PIEZO2: variants seen among roughly 807,000 people sequenced by gnomAD.
PIEZO2 encodes piezo type mechanosensitive ion channel component 2.
Under a neutral mutation model 337.3 loss-of-function variants are expected in PIEZO2, and 172 were observed. The observed-to-expected ratio is 0.51, with a 90% CI of 0.45 to 0.58. The LOEUF (loss-of-function observed/expected upper bound fraction) is 0.58, where lower values mean the gene tolerates loss of function less well. PIEZO2 is among the 20% of genes least tolerant of loss of function. The pLI, the probability that PIEZO2 is intolerant of heterozygous loss-of-function variation, is 0.00. For missense variants in PIEZO2, 3,028 were observed against 3,391.3 expected (o/e 0.89, Z 2.66); for synonymous variants, 1,251 against 1,228.5 (o/e 1.02, Z -0.38).
At chr18:10,836,293 G>C (rs1367578853) in intron 7 of PIEZO2, among the ~76,000 whole-genome samples, 2 of 152,028 alleles carry the variant, frequency 1.3e-5, no homozygotes, top group Non-Finnish European at 2.9e-5. Flanking sequence ...ATCCCATCCT[G>C]AGCTTATTGG....
Position 11,096,906 on chromosome 18 carries a change from T to C in PIEZO2, c.65-30684A>G, listed in dbSNP as rs1248561994. 1.3e-5 allele frequency among the ~76,000 whole-genome samples: 2 copies of C among 152,320 alleles called. No homozygotes were observed. ...ATCACCAAAGGTGGATGCTTTCATC[T>C]GCAGCCCTCCAATCCCTATCCTGGA... On this transcript the variant is annotated intron_variant, in intron 1 of 55. Coordinates refer to ENST00000674853, the MANE Select transcript of PIEZO2 (RefSeq NM_001378183.1). The surrounding 1 kb of genome is among the most constrained non-coding windows in gnomAD (Gnocchi z 4.6).
rs541964662 is a variant in PIEZO2 at position 10,895,887 on chromosome 18, T to C, written c.329+15299A>G. ...CAGCCTGGCCAACATGGTGAAACCC[T>C]GTCTTTACTAAAAATACAGAAAATT... is the stretch of plus-strand genomic sequence containing the variant. On this transcript the variant is annotated intron_variant, in intron 4 of 55. Coordinates refer to ENST00000674853, the MANE Select transcript of PIEZO2 (RefSeq NM_001378183.1). This position sits in a 1 kb window ranked among gnomAD's most constrained non-coding sequence, Gnocchi z 4.8. Among the ~76,000 whole-genome samples, 2 of 152,128 alleles carry C rather than the reference T, an allele frequency of 1.3e-5. No individual in the cohort carries two copies. Among genetic ancestry groups the C allele is most frequent in the Admixed American group, 1.3e-4 (2 of 15,278 alleles).
chr18:11,016,059 C>G lies in PIEZO2; in HGVS notation c.161-36399G>C, dbSNP rs1045873051. Among the ~76,000 whole-genome samples, 9 of 152,196 alleles carry G rather than the reference C, an allele frequency of 5.9e-5. No individual in the cohort carries two copies. The highest frequency in any genetic ancestry group is 2.9e-5 in the Non-Finnish European group (2 of 68,042). ...CCTTTTCACCCTGGCCTCCTTCAGC[C>G]TCATTCTTCCTCCTTCTCCATTGCT... is the stretch of plus-strand genomic sequence containing the variant. On this transcript the variant is annotated intron_variant, in intron 2 of 55. Coordinates refer to ENST00000674853, the MANE Select transcript of PIEZO2 (RefSeq NM_001378183.1). This position sits in a 1 kb window ranked among gnomAD's most constrained non-coding sequence, Gnocchi z 5.6.
intron 1 of PIEZO2, among the ~76,000 whole-genome samples, chr18:11,120,338 T>C (rs1197327757): frequency 6.6e-6 from 1 of 152,222 alleles, no homozygotes; most frequent in African/African-American, 2.4e-5. Flanking sequence ...CAAAAAGATA[T>C]GGTTTGTTGA....
intron 7 of PIEZO2, among the ~76,000 whole-genome samples, chr18:10,814,817 C>T (rs1598522591): frequency 1.3e-5 from 2 of 152,274 alleles, no homozygotes; most frequent in East Asian, 3.9e-4. Context: ...GCCAATGAGA[C>T]ACACTCATGG....
chr18:10,738,626 C>T (rs953426102), intron 33 of PIEZO2: 3 of 152,168 alleles, frequency 2.0e-5, no homozygotes, highest in African/African-American at 7.2e-5. Flanking sequence ...GCTCAGATGG[C>T]GAACCTGACT....
intron 4 of PIEZO2, among the ~76,000 whole-genome samples, chr18:10,886,300 G>A (rs1181726734): frequency 9.7e-6 from 1 of 103,492 alleles, no homozygotes; most frequent in African/African-American, 4.3e-5. Context: ...TGAAACTGCA[G>A]ATGGTACCAA....
rs1389067030 is a variant in PIEZO2, at chr18:10,929,497, T to G, written c.287-18269A>C. Among the ~76,000 whole-genome samples the G allele has an allele frequency of 6.6e-6, 1 of 152,132 alleles. No individual in the cohort carries two copies. ...GCCAGTTGCTTGCTGTAAACAAAAA[T>G]TTTGCATTTCAAAAGTTGCATGTTG... On this transcript the variant is annotated intron_variant, in intron 3 of 55. Coordinates refer to ENST00000674853, the MANE Select transcript of PIEZO2 (RefSeq NM_001378183.1). The surrounding 1 kb of genome is among the most constrained non-coding windows in gnomAD (Gnocchi z 5.6).
At chr18:10,763,160 G>T (rs1018198006) in intron 21 of PIEZO2, 62 bp from the exon 22 acceptor site, 1 of 1,467,952 alleles carries the variant, frequency 6.8e-7, no homozygotes, top group Non-Finnish European at 9.1e-7. Context: ...AAACAGGACA[G>T]CCACAAAACA....
chr18:10,879,122 C>G (rs1471689436), intron 4 of PIEZO2, among the ~76,000 whole-genome samples: 1 of 152,140 alleles, frequency 6.6e-6, no homozygotes, highest in African/African-American at 2.4e-5. Flanking sequence ...GGTTCTCTAA[C>G]CTAATCATAA....
At position 10,982,442 on chromosome 18, in the gene PIEZO2, C is replaced by G. The variant is rs1358926526; in HGVS notation, c.161-2782G>C. 6.6e-6 allele frequency among the ~76,000 whole-genome samples: 1 copy of G among 151,818 alleles called. No individual in the cohort carries two copies. Among genetic ancestry groups the G allele is most frequent in the Non-Finnish European group, 1.5e-5 (1 of 67,982 alleles). ...TCTGTTACATGCATGAATGAGGTGA[C>G]TCAATATGATAAAAATGTCAATTTC... On this transcript the variant is annotated intron_variant, in intron 2 of 55. Transcript: ENST00000674853. This position sits in a 1 kb window ranked among gnomAD's most constrained non-coding sequence, Gnocchi z 4.1.
intron 1 of PIEZO2, among the ~76,000 whole-genome samples, chr18:11,144,535 G>A (rs2040757712): frequency 6.6e-6 from 1 of 152,046 alleles, no homozygotes; most frequent in South Asian, 2.1e-4. Flanking sequence ...ATATTACACA[G>A]GAAAATACAT....
intron 1 of PIEZO2, among the ~76,000 whole-genome samples, chr18:11,100,369 T>C (rs1172198960): frequency 6.6e-6 from 1 of 152,208 alleles, no homozygotes; most frequent in African/African-American, 2.4e-5. Context: ...GAATTAATTA[T>C]CACAAAAATA....
Position 10,784,584 on chromosome 18 carries a change from A to AT in PIEZO2, c.2492+199dup, listed in dbSNP as rs1181258098. ...CAAGATCACTTTACATTAACCAGTC[A>AT]TAAGTCACTACCCATTGTTTCAGAA... On this transcript the variant is annotated intron_variant, in intron 17 of 55. Transcript: ENST00000674853. This position sits in a 1 kb window ranked among gnomAD's most constrained non-coding sequence, Gnocchi z 4.5. Among the ~76,000 whole-genome samples the AT allele has an allele frequency of 1.3e-5, 2 of 152,250 alleles. No individual in the cohort carries two copies. Among genetic ancestry groups the AT allele is most frequent in the Non-Finnish European group, 2.9e-5 (2 of 68,042 alleles).
Position 10,871,432 on chromosome 18 carries a change from AG to A in PIEZO2, c.330-18del. ...CCCTTTAAGCTATAAAGGAAAAACAAGGGGAGGGGAAAAAAATTTAGTTCTT... is the reference window on the plus strand; with the variant it reads ...CCCTTTAAGCTATAAAGGAAAAACAAGGGAGGGGAAAAAAATTTAGTTCTT... On this transcript the variant is annotated intron_variant, in intron 4 of 55. Transcript: ENST00000674853. 1 of 1,522,102 alleles carries A rather than the reference AG, an allele frequency of 6.6e-7. No homozygotes were observed. The highest frequency in any genetic ancestry group is 2.5e-5 in the East Asian group (1 of 40,664). The allele number at this position is 1,522,102 out of a possible 1,614,324, so 94.3% of individuals were successfully genotyped here.
At chr18:11,133,316 G>A (rs2040390369) in intron 1 of PIEZO2, among the ~76,000 whole-genome samples, 1 of 152,160 alleles carries the variant, frequency 6.6e-6, no homozygotes, top group South Asian at 2.1e-4. Flanking sequence ...GTTGTGTTAT[G>A]GTAGGCGTTA....
intron 29 of PIEZO2, among the ~76,000 whole-genome samples, chr18:10,749,081 T>C (rs1201096896): frequency 6.6e-6 from 1 of 152,148 alleles, no homozygotes; most frequent in African/African-American, 2.4e-5. Flanking sequence ...TAGTATGCCT[T>C]ATCTTAAGTG....
rs2034814612 is a variant in PIEZO2 at position 10,691,304 on chromosome 18, G to A, written c.7270C>T (p.Arg2424Cys). The change falls in exon 48 of 56, where the codon CGT becomes TGT. Residue 2424 changes from arginine (R) to cysteine (C), a missense_variant. Arg to Cys is a radical substitution (Grantham distance 180, BLOSUM62 -3). This residue lies in a region of PIEZO2 where 179 missense variants were observed against 281.8 expected (regional missense o/e 0.64). Coordinates refer to ENST00000674853, the MANE Select transcript of PIEZO2 (RefSeq NM_001378183.1). ...VYFGLSAYQIRCGYPTRVLGN... is the reference protein window; with the variant it reads ...VYFGLSAYQICCGYPTRVLGN... ...AGGACTCGCGTTGGGTAGCCACAAC[G>A]GATCTGGTAAGCAGACAACCCGAAG... 8 of 1,614,042 alleles carry A rather than the reference G, an allele frequency of 5.0e-6. No individual in the cohort carries two copies. Among genetic ancestry groups the A allele is most frequent in the South Asian group, 1.1e-5 (1 of 91,024 alleles).
intron 7 of PIEZO2, among the ~76,000 whole-genome samples, chr18:10,810,749 A>G (rs2040162693): frequency 6.6e-6 from 1 of 152,156 alleles, no homozygotes; most frequent in Admixed American, 6.5e-5. Flanking sequence ...AATTGGGGGT[A>G]TATGTACCAG....
Sources: allele counts gnomAD v4.1 joint callset (sites outside exome capture counted in the v4.1 genomes callset), GRCh38; gene constraint gnomAD v4.1.1; regional missense constraint gnomAD v4.1.1; non-coding constraint Gnocchi (gnomAD v3.1); transcripts MANE v1.5; gene names NCBI Gene and HGNC (gene_info 2026-07-23, HGNC 2026-07-21).